DPYD: variants seen among roughly 807,000 people sequenced by gnomAD.
DPYD encodes the protein dihydropyrimidine dehydrogenase [NADP(+)].
A neutral mutation model predicts 116.2 loss-of-function variants in DPYD; 109 were observed. The ratio of observed to expected loss-of-function variants is 0.94; its 90% CI spans 0.80 to 1.10. The LOEUF (loss-of-function observed/expected upper bound fraction) is 1.10, where lower values mean the gene tolerates loss of function less well. DPYD is among the 50% of genes least tolerant of loss of function. DPYD has a pLI of 0.00. For missense variants in DPYD, 1,302 were observed against 1,254.5 expected, an observed-to-expected ratio of 1.04 and a Z score of -0.57; for synonymous variants, 440 against 432.0, an observed-to-expected ratio of 1.02 and a Z score of -0.23.
At chr1:97,471,306 A>T (rs1389847465) in intron 13 of DPYD, among the ~76,000 whole-genome samples, 2 of 152,192 alleles carry the variant, frequency 1.3e-5, no homozygotes, top group Non-Finnish European at 2.9e-5. Context: ...GGAATAAAAA[A>T]AACCCGAAAA....
intron 1 of DPYD, among the ~76,000 whole-genome samples, chr1:97,888,087 C>T (rs931999918): frequency 2.6e-5 from 4 of 151,996 alleles, no homozygotes; most frequent in African/African-American, 7.2e-5. Flanking sequence ...CACTTCAAAG[C>T]AGCCATTACA....
chr1:97,245,634 A>G (rs1662669260), intron 18 of DPYD, among the ~76,000 whole-genome samples: 1 of 152,112 alleles, frequency 6.6e-6, no homozygotes, highest in Admixed American at 6.6e-5. Flanking sequence ...TTATAATGAC[A>G]ATGATAATGC....
intron 20 of DPYD, among the ~76,000 whole-genome samples, chr1:97,155,432 C>A (rs1655373511): frequency 6.6e-6 from 1 of 152,076 alleles, no homozygotes; most frequent in South Asian, 2.1e-4. Context: ...TGAATTTTCA[C>A]TCGAGTCATT....
intron 20 of DPYD, among the ~76,000 whole-genome samples, chr1:97,181,575 G>C (rs2101799826): frequency 6.6e-6 from 1 of 152,192 alleles, no homozygotes; most frequent in East Asian, 1.9e-4. Context: ...CTTTTGACCA[G>C]ATCAAACAAA....
At chr1:97,229,549 T>C (rs1462744233) in intron 19 of DPYD, among the ~76,000 whole-genome samples, 4 of 21,510 alleles carry the variant, frequency 1.9e-4, no homozygotes, top group East Asian at 0.045. Context: ...ATCCTAAGTA[T>C]ATATATATAT....
intron 8 of DPYD, among the ~76,000 whole-genome samples, chr1:97,659,876 T>A (rs1659154653): frequency 6.6e-6 from 1 of 152,140 alleles, no homozygotes; most frequent in African/African-American, 2.4e-5. Flanking sequence ...GAGTATTGTA[T>A]ATTCATATGG....
intron 20 of DPYD, among the ~76,000 whole-genome samples, chr1:97,165,243 T>C (rs1184444339): frequency 6.6e-6 from 1 of 151,694 alleles, no homozygotes; most frequent in South Asian, 2.1e-4. Flanking sequence ...CACAGACCAA[T>C]AAAATGGAAT....
chr1:97,763,963 T>A (rs1398025995), intron 3 of DPYD, among the ~76,000 whole-genome samples: 2 of 152,096 alleles, frequency 1.3e-5, no homozygotes, highest in Non-Finnish European at 2.9e-5. Flanking sequence ...CACTAACAGT[T>A]ACTACATATT....
intron 8 of DPYD, among the ~76,000 whole-genome samples, chr1:97,638,078 C>T (rs1200187766): frequency 6.6e-6 from 1 of 152,066 alleles, no homozygotes; most frequent in African/African-American, 2.4e-5. Context: ...TCTTCCTTGG[C>T]CTTGACAAGT....
chr1:97,622,271 T>C (rs1656674841), intron 8 of DPYD, among the ~76,000 whole-genome samples: 1 of 152,048 alleles, frequency 6.6e-6, no homozygotes, highest in African/African-American at 2.4e-5. Flanking sequence ...ATTGATAGTA[T>C]ATAAAATAAG....
chr1:97,658,153 T>C (rs1167888131), intron 8 of DPYD, among the ~76,000 whole-genome samples: 1 of 152,208 alleles, frequency 6.6e-6, no homozygotes, highest in Admixed American at 6.5e-5. Context: ...TGGCTGTTAA[T>C]GCTCTATTAC....
At chr1:97,750,738 T>G (rs571232203) in intron 3 of DPYD, among the ~76,000 whole-genome samples, 1 of 152,312 alleles carries the variant, frequency 6.6e-6, no homozygotes, top group South Asian at 2.1e-4. Flanking sequence ...AGGTTTGAAC[T>G]GCTGGGCTCA....
chr1:97,643,530 T>C (rs888197394), intron 8 of DPYD, among the ~76,000 whole-genome samples: 2 of 152,174 alleles, frequency 1.3e-5, no homozygotes, highest in Non-Finnish European at 2.9e-5. Flanking sequence ...AGTGTGACAA[T>C]TCCTCAAGTA....
At chr1:97,546,696 A>G (rs1184123778) in intron 12 of DPYD, 2 of 1,613,024 alleles carry the variant, frequency 1.2e-6, no homozygotes, top group Middle Eastern at 1.8e-4. Context: ...ATGTGTGTAC[A>G]CTAAAAGATA....
intron 2 of DPYD, among the ~76,000 whole-genome samples, chr1:97,882,442 A>T (rs1672275294): frequency 6.6e-6 from 1 of 152,022 alleles, no homozygotes; most frequent in Admixed American, 6.6e-5. Flanking sequence ...ATAAACTAAA[A>T]TCATACATTC....
At chr1:97,670,916 A>G (rs1377327640) in intron 8 of DPYD, among the ~76,000 whole-genome samples, 1 of 152,216 alleles carries the variant, frequency 6.6e-6, no homozygotes, top group African/African-American at 2.4e-5. Context: ...GGTAACTACC[A>G]TAAGTAAAAT....
chr1:97,107,544 C>T (rs1252989856), intron 20 of DPYD, among the ~76,000 whole-genome samples: 3 of 152,040 alleles, frequency 2.0e-5, no homozygotes, highest in African/African-American at 2.4e-5. Flanking sequence ...TCATCATCAC[C>T]TTCACGAATA....
At chr1:97,888,008 T>A (rs1257789712) in intron 1 of DPYD, among the ~76,000 whole-genome samples, 1 of 152,040 alleles carries the variant, frequency 6.6e-6, no homozygotes, top group African/African-American at 2.4e-5. Flanking sequence ...TGTGAGTCAG[T>A]TAAACCACTT....
intron 19 of DPYD, among the ~76,000 whole-genome samples, chr1:97,207,152 T>C (rs891869623): frequency 2.6e-5 from 4 of 152,124 alleles, no homozygotes; most frequent in African/African-American, 9.7e-5. Context: ...AATAAAAATA[T>C]TGTAATAGTA....
Sources: allele counts gnomAD v4.1 joint callset (sites outside exome capture counted in the v4.1 genomes callset), GRCh38; gene constraint gnomAD v4.1.1; transcripts MANE v1.5; gene names NCBI Gene and HGNC (gene_info 2026-07-23, HGNC 2026-07-21).